The following KCNJ6 variants were observed in gnomAD, a reference collection of about 807,000 sequenced individuals.
KCNJ6 encodes the protein potassium inwardly rectifying channel subfamily J member 6.
In KCNJ6, 9 loss-of-function variants were observed where a neutral mutation model predicts 34.2. The observed-to-expected ratio is 0.26, with a 90% CI of 0.16 to 0.46. The LOEUF is 0.46. KCNJ6 is among the 20% of genes least tolerant of loss of function. KCNJ6 has a pLI of 1.00. For synonymous variants in KCNJ6, 196 were observed against 207.1 expected (o/e 0.95, Z 0.46); for missense variants, 236 against 531.3 (o/e 0.44, Z 5.46).
rs139109335 is a variant in KCNJ6, at chr21:37,817,673, C to T, written c.25+22985G>A. Among the ~76,000 whole-genome samples the T allele has an allele frequency of 2.3e-4, 35 of 152,262 alleles. No individual in the cohort carries two copies. The East Asian group carries it at 6.6e-3, about 29-fold the overall frequency. On this transcript the variant is annotated intron_variant, in intron 2 of 3. Coordinates refer to ENST00000609713, the MANE Select transcript of KCNJ6 (RefSeq NM_002240.5). ...CTTTGCAAGTCAGCTGACAACAGCACCCTCATCCTGGTTCAGAAATAACCG... is the reference window on the plus strand; with the variant it reads ...CTTTGCAAGTCAGCTGACAACAGCATCCTCATCCTGGTTCAGAAATAACCG...
In KCNJ6 at chr21:37,683,611, A is replaced by G. The variant is rs79557376; in HGVS notation, c.946+30600T>C. Among the ~76,000 whole-genome samples the G allele has an allele frequency of 7.6e-3, 1,158 of 152,226 alleles. 16 individuals are homozygous for G. The highest frequency in any genetic ancestry group is 0.027 in the African/African-American group (1,108 of 41,530). The stretch of plus-strand genomic sequence containing the variant: ...GAATGGTCTGTTTTCCCTGCTTAAC[A>G]TATTTGTTTGTTCGTTTGCATGAAA... On this transcript the variant is annotated intron_variant, in intron 3 of 3. Transcript: ENST00000609713.
At chr21:37,781,069 C>T (rs1315634617) in intron 2 of KCNJ6, among the ~76,000 whole-genome samples, 4 of 152,246 alleles carry the variant, frequency 2.6e-5, no homozygotes, top group South Asian at 4.1e-4. Flanking sequence ...CTTCCTATGT[C>T]GAGTCTATTG....
At chr21:37,629,921 AAAG>A (rs2054326499) in intron 3 of KCNJ6, among the ~76,000 whole-genome samples, 1 of 152,228 alleles carries the variant, frequency 6.6e-6, no homozygotes, top group South Asian at 2.1e-4. Flanking sequence ...AAAGGATAAA[AAAG>A]AATATTAATG....
chr21:37,821,381 C>T (rs1382587805), intron 2 of KCNJ6, among the ~76,000 whole-genome samples: 3 of 152,036 alleles, frequency 2.0e-5, no homozygotes, highest in Admixed American at 6.6e-5. Flanking sequence ...TTTTTTATTT[C>T]TTAATTTTTT....
intron 2 of KCNJ6, among the ~76,000 whole-genome samples, chr21:37,762,851 C>A (rs1484866068): frequency 6.6e-6 from 1 of 152,198 alleles, no homozygotes; most frequent in Non-Finnish European, 1.5e-5. Context: ...GGAAGTAGGG[C>A]CTGGCATGGG....
chr21:37,714,318 C>T lies in KCNJ6; in HGVS notation c.839G>A (p.Ser280Asn). 1 of 1,614,046 alleles carries T rather than the reference C, an allele frequency of 6.2e-7. No individual in the cohort carries two copies. The highest frequency in any genetic ancestry group is 8.5e-7 in the Non-Finnish European group (1 of 1,179,926). Residue 280 changes from serine (S) to asparagine (N), a missense_variant, in exon 3 of 4, where the codon AGC (serine) becomes AAC (asparagine). Transcript: ENST00000609713. The surrounding 1 kb of genome is among the most constrained non-coding windows in gnomAD (Gnocchi z 5.9). The part of the protein sequence containing the change: ...RLFLVSPLII[S>N]HEINQQSPFW... ...AGGACTCTGTTGGTTAATTTCATGG[C>T]TAATGATCAGCGGTGACACCAGAAA... is the stretch of plus-strand genomic sequence containing the variant.
At chr21:37,834,409 G>C (rs1045963888) in intron 2 of KCNJ6, among the ~76,000 whole-genome samples, 7 of 152,206 alleles carry the variant, frequency 4.6e-5, no homozygotes, top group African/African-American at 1.4e-4. Flanking sequence ...GCACACTGGG[G>C]TCTGTAAAAG....
intron 3 of KCNJ6, among the ~76,000 whole-genome samples, chr21:37,649,157 A>AAAACAAAAAC (rs755535850): frequency 1.5e-5 from 2 of 133,978 alleles, no homozygotes; most frequent in Admixed American, 7.8e-5. Flanking sequence ...AAAAAAAAGA[A>AAAACAAAAAC]AGAAAAAGAA....
intron 2 of KCNJ6, among the ~76,000 whole-genome samples, chr21:37,802,588 A>C (rs539373152): frequency 2.5e-4 from 38 of 152,344 alleles, no homozygotes; most frequent in African/African-American, 8.7e-4. Flanking sequence ...AGAGGCCAGA[A>C]GATGGCTCCT....
intron 3 of KCNJ6, among the ~76,000 whole-genome samples, chr21:37,689,399 C>T (rs960163917): frequency 2.0e-5 from 3 of 152,124 alleles, no homozygotes; most frequent in Non-Finnish European, 4.4e-5. Flanking sequence ...CTTCTTACTT[C>T]CCCCTTTCAG....
chr21:37,817,623 G>A (rs892550891), intron 2 of KCNJ6, among the ~76,000 whole-genome samples: 1 of 152,184 alleles, frequency 6.6e-6, no homozygotes, highest in African/African-American at 2.4e-5. Flanking sequence ...GGTATTCTCA[G>A]GTTCACCTTA....
rs940616928 is a variant in KCNJ6 at position 37,610,099 on chromosome 21, A to G, written c.*15060T>C. On this transcript the variant is annotated 3_prime_UTR_variant, in exon 4 of 4. Coordinates refer to ENST00000609713, the MANE Select transcript of KCNJ6 (RefSeq NM_002240.5). ...TAATTTCCCTGCTGCCAGCAAGGGA[A>G]TCAGTTAAATGATGAAAACAGCTGA... 1 of 152,264 alleles carries G rather than the reference A, an allele frequency of 6.6e-6. No individual in the cohort carries two copies. Among genetic ancestry groups the G allele is most frequent in the Non-Finnish European group, 1.5e-5 (1 of 68,080 alleles). 9.4% of individuals were successfully genotyped at this position (152,264 alleles called of 1,614,324 possible).
At chr21:37,850,150 G>A (rs1481201405) in intron 1 of KCNJ6, among the ~76,000 whole-genome samples, 1 of 152,156 alleles carries the variant, frequency 6.6e-6, no homozygotes, top group African/African-American at 2.4e-5. Flanking sequence ...GATTCCTTTT[G>A]TTTTTCTTTG....
intron 2 of KCNJ6, among the ~76,000 whole-genome samples, chr21:37,766,221 C>G (rs1055041800): frequency 6.6e-6 from 1 of 152,168 alleles, no homozygotes; most frequent in African/African-American, 2.4e-5. Flanking sequence ...AATGGCGGCT[C>G]TGTATGTGGG....
chr21:37,899,264 C>G (rs1283599160), intron 1 of KCNJ6, among the ~76,000 whole-genome samples: 2 of 152,026 alleles, frequency 1.3e-5, no homozygotes, highest in African/African-American at 4.8e-5. Context: ...ATCATGACAT[C>G]GCTTTAATGA....
intron 3 of KCNJ6, among the ~76,000 whole-genome samples, chr21:37,652,247 C>T (rs970809175): frequency 6.6e-6 from 1 of 152,178 alleles, no homozygotes; most frequent in Admixed American, 6.5e-5. Context: ...ACATCAAAAA[C>T]TGCTGGATGG....
intron 2 of KCNJ6, among the ~76,000 whole-genome samples, chr21:37,733,058 A>T (rs1046889510): frequency 6.6e-6 from 1 of 152,184 alleles, no homozygotes; most frequent in Non-Finnish European, 1.5e-5. Flanking sequence ...TTCACCTTTA[A>T]TGCACACTCT....
At chr21:37,781,085 C>A (rs1450627347) in intron 2 of KCNJ6, among the ~76,000 whole-genome samples, 1 of 150,248 alleles carries the variant, frequency 6.7e-6, no homozygotes, top group Non-Finnish European at 1.5e-5. Context: ...TATTGCACAG[C>A]ACACGCCGGC....
intron 3 of KCNJ6, among the ~76,000 whole-genome samples, chr21:37,693,550 G>A (rs749384326): frequency 4.6e-5 from 7 of 152,234 alleles, no homozygotes; most frequent in South Asian, 2.1e-4. Context: ...GCAGGTGCTC[G>A]CCCCTGAGAA....
Sources: allele counts gnomAD v4.1 joint callset (sites outside exome capture counted in the v4.1 genomes callset), GRCh38; gene constraint gnomAD v4.1.1; non-coding constraint Gnocchi (gnomAD v3.1); transcripts MANE v1.5; gene names NCBI Gene and HGNC (gene_info 2026-07-23, HGNC 2026-07-21).